The following KAT6A variants were observed in gnomAD, a reference collection of about 807,000 sequenced individuals.
KAT6A encodes histone acetyltransferase KAT6A.
KAT6A carries 9 observed loss-of-function variants against 198.4 expected under a neutral mutation model. That is an observed-to-expected ratio of 0.05 (90% confidence interval 0.03 to 0.08). The LOEUF (loss-of-function observed/expected upper bound fraction) is 0.08. KAT6A is among the 10% of genes least tolerant of loss of function. The pLI is 1.00. For synonymous variants in KAT6A, 890 were observed against 883.0 expected (o/e 1.01, Z -0.14); for missense variants, 2,077 against 2,509.9 (o/e 0.83, Z 3.69).
At chr8:42,050,927 C>A (rs987445037) in intron 1 of KAT6A, among the ~76,000 whole-genome samples, 3 of 152,124 alleles carry the variant, frequency 2.0e-5, no homozygotes, top group African/African-American at 7.2e-5. Context: ...GCGAGCGCAA[C>A]TCGCTTCCGA....
intron 2 of KAT6A, among the ~76,000 whole-genome samples, chr8:42,005,290 T>C (rs1175455936): frequency 6.6e-6 from 1 of 152,226 alleles, no homozygotes; most frequent in Non-Finnish European, 1.5e-5. Context: ...AAGTTAATAT[T>C]GCATCAAATT....
At chr8:41,942,732 T>C (rs759562368) in intron 14 of KAT6A, 61 bp downstream of exon 14, 6 of 1,535,958 alleles carry the variant, frequency 3.9e-6, no homozygotes, top group Non-Finnish European at 5.4e-6. Flanking sequence ...TTATTATAAA[T>C]ACTCATGAAA....
chr8:41,980,712 A>G, intron 5 of KAT6A, 134 bp downstream of exon 5: 4 of 697,618 alleles, frequency 5.7e-6, no homozygotes, highest in Non-Finnish European at 1.0e-5. Context: ...TTTTAAGGTG[A>G]CAGTTCTCTT....
intron 2 of KAT6A, among the ~76,000 whole-genome samples, chr8:42,017,514 A>G (rs1018261945): frequency 3.9e-5 from 6 of 152,204 alleles, no homozygotes; most frequent in Non-Finnish European, 8.8e-5. Flanking sequence ...GAGGCTTAAA[A>G]GATGAATATT....
chr8:41,998,025 C>T (rs1274540948), intron 2 of KAT6A, among the ~76,000 whole-genome samples: 1 of 151,982 alleles, frequency 6.6e-6, no homozygotes, highest in Non-Finnish European at 1.5e-5. Flanking sequence ...ATGAGGAAAA[C>T]GAGTATTGCT....
chr8:41,982,252 G>T (rs915292958), intron 3 of KAT6A, among the ~76,000 whole-genome samples: 1 of 151,390 alleles, frequency 6.6e-6, no homozygotes, highest in Non-Finnish European at 1.5e-5. Flanking sequence ...GTACATATCC[G>T]GTATATATGT....
intron 9 of KAT6A, among the ~76,000 whole-genome samples, chr8:41,953,320 C>T (rs1822757843): frequency 6.6e-6 from 1 of 152,142 alleles, no homozygotes; most frequent in Non-Finnish European, 1.5e-5. Context: ...TCTATCTGTA[C>T]TATAGTCTCC....
intron 12 of KAT6A, among the ~76,000 whole-genome samples, chr8:41,945,097 CT>C (rs796763556): frequency 9.2e-4 from 140 of 152,262 alleles, no homozygotes; most frequent in African/African-American, 3.3e-3. Context: ...ACAATGATCT[CT>C]TTAGAACTGT....
intron 9 of KAT6A, among the ~76,000 whole-genome samples, chr8:41,951,721 AT>A (rs1822676993): frequency 1.3e-5 from 2 of 152,342 alleles, no homozygotes; most frequent in East Asian, 3.9e-4. Flanking sequence ...GAATGATGCA[AT>A]TATTATTCTC....
chr8:42,030,708 A>G (rs1250323231), intron 2 of KAT6A, among the ~76,000 whole-genome samples: 2 of 151,774 alleles, frequency 1.3e-5, no homozygotes, highest in African/African-American at 4.8e-5. Flanking sequence ...GGGATTACAG[A>G]AGCCTGCCAC....
intron 2 of KAT6A, among the ~76,000 whole-genome samples, chr8:42,017,552 TG>T (rs762839710): frequency 5.6e-4 from 85 of 151,676 alleles, no homozygotes; most frequent in Non-Finnish European, 8.2e-4. Context: ...TTTGTTGGGG[TG>T]GGGGGATCTA....
In KAT6A at chr8:41,934,017, G is replaced by T. The variant is rs761400037; in HGVS notation, c.4203C>A (p.His1401Gln). 5.0e-6 allele frequency: 8 copies of T among 1,613,950 alleles called. No homozygotes were observed. The East Asian group carries it at 1.8e-4, about 36-fold the overall frequency. ...GSEDDHEEDS[H>Q]TKEELIELKE... is the part of the protein sequence containing the mutation. ...TTAATTCGATTAACTCTTCCTTAGTGTGGGAGTCTTCTTCGTGGTCGTCCT... is the reference window on the plus strand; with the variant it reads ...TTAATTCGATTAACTCTTCCTTAGTTTGGGAGTCTTCTTCGTGGTCGTCCT... Residue 1401 changes from histidine (H) to glutamine (Q), a missense_variant, in exon 17 of 17, where the codon CAC (histidine) becomes CAA (glutamine). His to Gln is a conservative substitution (Grantham distance 24, BLOSUM62 0). Around this residue, in one of 13 missense-constraint regions of KAT6A, gnomAD observed 178 missense variants for 220.8 expected, o/e 0.81. Coordinates refer to ENST00000265713, the MANE Select transcript of KAT6A (RefSeq NM_006766.5).
chr8:42,040,811 T>C (rs1827630359), intron 2 of KAT6A, among the ~76,000 whole-genome samples: 2 of 150,342 alleles, frequency 1.3e-5, no homozygotes, highest in South Asian at 2.1e-4. Flanking sequence ...TTTGGATTAG[T>C]AATGGCTAAC....
At position 41,940,905 on chromosome 8, in the gene KAT6A, C is replaced by T. The variant is rs776856975; in HGVS notation, c.2976G>A (p.Glu992=). The part of the protein sequence containing the change: ...RGFSESSEEE[E]EPESPRSSSP... ...AGCTTGACCGAGGGCTTTCCGGCTC[C>T]TCCTCCTCCTCGCTGCTCTCACTGA... The change falls in exon 15 of 17, where the codon GAG becomes GAA. Residue 992 remains glutamate (E), a synonymous_variant. Transcript: ENST00000265713. 85 of 1,613,936 alleles carry T rather than the reference C, an allele frequency of 5.3e-5. No homozygotes were observed. Among genetic ancestry groups the T allele is most frequent in the Middle Eastern group, 1.6e-4 (1 of 6,084 alleles).
chr8:41,975,193 C>T (rs974653572), intron 7 of KAT6A, among the ~76,000 whole-genome samples: 1 of 151,988 alleles, frequency 6.6e-6, no homozygotes, highest in African/African-American at 2.4e-5. Context: ...TTCAAAAAAA[C>T]CTCTTGAGTA....
intron 2 of KAT6A, among the ~76,000 whole-genome samples, chr8:42,027,863 C>T (rs926737212): frequency 6.6e-6 from 1 of 152,018 alleles, no homozygotes; most frequent in African/African-American, 2.4e-5. Context: ...TGAGGTGCAG[C>T]ATTAGGTAGT....
chr8:42,045,665 T>C lies in KAT6A; in HGVS notation c.600+2713A>G, dbSNP rs557802081. Among the ~76,000 whole-genome samples the C allele has an allele frequency of 6.8e-4, 103 of 152,160 alleles. 1 individual carries two copies. Among genetic ancestry groups the C allele is most frequent in the Non-Finnish European group, 4.9e-4 (33 of 67,998 alleles). ...ATTATTAAATCACTTTTGTTTTTCT[T>C]GCTTTATTTCTCCAAAATCAAATGT... On this transcript the variant is annotated intron_variant, in intron 2 of 16. Transcript: ENST00000265713.
At chr8:42,004,980 T>C (rs1454922822) in intron 2 of KAT6A, among the ~76,000 whole-genome samples, 1 of 152,132 alleles carries the variant, frequency 6.6e-6, no homozygotes, top group Non-Finnish European at 1.5e-5. Context: ...ATACAGTCAG[T>C]AGCCTTGTAA....
At chr8:42,011,580 A>T (rs1826017334) in intron 2 of KAT6A, among the ~76,000 whole-genome samples, 1 of 152,084 alleles carries the variant, frequency 6.6e-6, no homozygotes, top group Non-Finnish European at 1.5e-5. Context: ...TCTACTAAAA[A>T]CACAGAAAAA....
Sources: gnomAD v4.1 joint callset for allele counts (sites outside exome capture counted in the v4.1 genomes callset) on GRCh38, gnomAD v4.1.1 for gene constraint, gnomAD v4.1.1 regional missense constraint, MANE v1.5 for transcripts, NCBI Gene and HGNC (gene_info 2026-07-23, HGNC 2026-07-21) for gene names.